Variants in PDE4B observed in about 807,000 individuals in gnomAD.
The protein encoded by PDE4B is phosphodiesterase 4B.
In PDE4B, 20 loss-of-function variants were observed where a neutral mutation model predicts 82.2. That is an observed-to-expected ratio of 0.24 (90% CI 0.17 to 0.35). The LOEUF (loss-of-function observed/expected upper bound fraction) is 0.35. PDE4B is among the 10% of genes least tolerant of loss of function. The pLI is 1.00. For missense variants in PDE4B, 655 were observed against 907.2 expected, an observed-to-expected ratio of 0.72 and a Z score of 3.57; for synonymous variants, 320 against 318.9, an observed-to-expected ratio of 1.00 and a Z score of -0.04.
At chr1:66,331,740 T>G in intron 7 of PDE4B, 1 of 985,396 alleles carries the variant, frequency 1.0e-6, no homozygotes, top group East Asian at 1.1e-4. Context: ...GAAGGGAAGT[T>G]TTAGCTTTGT....
chr1:66,165,224 T>C (rs1646704457), intron 3 of PDE4B, among the ~76,000 whole-genome samples: 1 of 152,186 alleles, frequency 6.6e-6, no homozygotes, highest in East Asian at 1.9e-4. Context: ...TTAAGTAATG[T>C]AAAGTTTGAA....
intron 3 of PDE4B, among the ~76,000 whole-genome samples, chr1:66,031,306 C>T (rs947655573): frequency 6.6e-6 from 1 of 152,050 alleles, no homozygotes; most frequent in Non-Finnish European, 1.5e-5. Context: ...TTTATTCTCA[C>T]CTCTCATTCC....
intron 4 of PDE4B, 106 bp from the exon 5 acceptor site, chr1:66,257,541 A>G (rs949446423): frequency 1.8e-6 from 2 of 1,089,892 alleles, no homozygotes; most frequent in South Asian, 2.5e-5. Context: ...AAGAACTTGT[A>G]TAACATTTGT....
intron 3 of PDE4B, among the ~76,000 whole-genome samples, chr1:66,020,926 T>C (rs1261194046): frequency 1.8e-4 from 27 of 152,192 alleles, no homozygotes; most frequent in South Asian, 4.1e-4. Flanking sequence ...GTTTACAGTC[T>C]CACCAACAGT....
At chr1:65,822,413 C>T (rs547647661) in intron 1 of PDE4B, among the ~76,000 whole-genome samples, 1 of 152,070 alleles carries the variant, frequency 6.6e-6, no homozygotes, top group South Asian at 2.1e-4. Flanking sequence ...CAAAATGATG[C>T]CTTTTTTTCC....
At chr1:66,053,400 T>C (rs1034899095) in intron 3 of PDE4B, among the ~76,000 whole-genome samples, 2 of 152,208 alleles carry the variant, frequency 1.3e-5, no homozygotes, top group South Asian at 2.1e-4. Flanking sequence ...ACATTTTCTG[T>C]TTATCATGTC....
intron 3 of PDE4B, among the ~76,000 whole-genome samples, chr1:66,129,584 C>T (rs1645893241): frequency 6.8e-6 from 1 of 147,800 alleles, no homozygotes; most frequent in African/African-American, 2.5e-5. Context: ...GGCGTGAACC[C>T]GGGAGGCGGA....
rs546775747 is a variant in PDE4B, at chr1:65,808,053, C to T, written c.-71+14805C>T. Among the ~76,000 whole-genome samples, 3 of 152,212 alleles carry T rather than the reference C, an allele frequency of 2.0e-5. No individual in the cohort carries two copies. In the South Asian group the frequency reaches 6.2e-4, roughly 31 times the overall value. On this transcript the variant is annotated intron_variant, in intron 1 of 16. Coordinates refer to ENST00000341517, the MANE Select transcript of PDE4B (RefSeq NM_002600.4). ...ATCGACCTCTAGACTGTATAATCCTCATCTAGTCCCAGAGACAGGATGGCC... is the reference window on the plus strand; with the variant it reads ...ATCGACCTCTAGACTGTATAATCCTTATCTAGTCCCAGAGACAGGATGGCC...
intron 1 of PDE4B, among the ~76,000 whole-genome samples, chr1:65,887,245 T>TC (rs1646794045): frequency 7.9e-5 from 1 of 12,618 alleles, no homozygotes; most frequent in East Asian, 2.6e-3. Flanking sequence ...TTTCTTTCTT[T>TC]CTTTTCTTTC....
At chr1:65,937,411 A>T (rs1451008328) in intron 3 of PDE4B, among the ~76,000 whole-genome samples, 1 of 152,212 alleles carries the variant, frequency 6.6e-6, no homozygotes, top group East Asian at 1.9e-4. Context: ...TGACAGTCGC[A>T]TGAGGCTTTC....
At chr1:65,971,859 C>T (rs1650158085) in intron 3 of PDE4B, among the ~76,000 whole-genome samples, 1 of 152,104 alleles carries the variant, frequency 6.6e-6, no homozygotes, top group Non-Finnish European at 1.5e-5. Context: ...AACAATATAT[C>T]ATTTGAAAGA....
At chr1:66,300,124 G>C (rs1012377216) in intron 7 of PDE4B, among the ~76,000 whole-genome samples, 1 of 152,084 alleles carries the variant, frequency 6.6e-6, no homozygotes, top group Non-Finnish European at 1.5e-5. Context: ...ACTTTCAAAG[G>C]TTCTATTTTA....
At chr1:65,989,943 G>A (rs968133259) in intron 3 of PDE4B, among the ~76,000 whole-genome samples, 5 of 124,094 alleles carry the variant, frequency 4.0e-5, no homozygotes, top group Non-Finnish European at 8.6e-5. Flanking sequence ...TCCTCCTCTT[G>A]CCTTAAACAT....
intron 1 of PDE4B, among the ~76,000 whole-genome samples, chr1:65,868,602 G>T (rs1646538099): frequency 6.6e-6 from 1 of 152,214 alleles, no homozygotes; most frequent in African/African-American, 2.4e-5. Context: ...CTGCTAGGCA[G>T]ATTCAGCAGG....
chr1:65,810,673 A>G (rs1645808069), intron 1 of PDE4B, among the ~76,000 whole-genome samples: 1 of 152,210 alleles, frequency 6.6e-6, no homozygotes, highest in Admixed American at 6.5e-5. Context: ...GCCAGGATTC[A>G]AACTTAGGTC....
intron 3 of PDE4B, among the ~76,000 whole-genome samples, chr1:65,986,272 GA>G (rs1420846107): frequency 6.6e-6 from 1 of 152,010 alleles, no homozygotes; most frequent in African/African-American, 2.4e-5. Context: ...GGAGACAAAT[GA>G]AAAAAAGTAC....
intron 7 of PDE4B, among the ~76,000 whole-genome samples, chr1:66,310,875 G>C (rs1302853098): frequency 6.6e-6 from 1 of 152,140 alleles, no homozygotes; most frequent in Non-Finnish European, 1.5e-5. Context: ...TACTTTGTAA[G>C]GTGTTAAACA....
chr1:66,333,675 T>C (rs1425743225), intron 8 of PDE4B, among the ~76,000 whole-genome samples: 1 of 152,182 alleles, frequency 6.6e-6, no homozygotes, highest in East Asian at 1.9e-4. Context: ...TTCTCCAGCT[T>C]TCCTGGGGTA....
intron 3 of PDE4B, among the ~76,000 whole-genome samples, chr1:65,997,172 G>T (rs1271085778): frequency 1.9e-5 from 2 of 107,474 alleles, no homozygotes; most frequent in East Asian, 5.1e-4. Flanking sequence ...CCACCCTGCT[G>T]CATTGCTGCT....
Sources: allele counts gnomAD v4.1 joint callset (sites outside exome capture counted in the v4.1 genomes callset), GRCh38; gene constraint gnomAD v4.1.1; transcripts MANE v1.5; gene names NCBI Gene and HGNC (gene_info 2026-07-23, HGNC 2026-07-21).